Variants in CNTN1 observed in about 807,000 individuals in gnomAD.
CNTN1 encodes the protein contactin 1.
A neutral mutation model predicts 126.4 loss-of-function variants in CNTN1; 38 were observed. The observed-to-expected ratio is 0.30, with a 90% CI of 0.23 to 0.39. CNTN1 has a LOEUF of 0.39. CNTN1 is among the 10% of genes least tolerant of loss of function. CNTN1 has a pLI of 1.00. For synonymous variants in CNTN1, 413 were observed against 422.6 expected, an observed-to-expected ratio of 0.98 and a Z score of 0.28; for missense variants, 1,009 against 1,248.4, an observed-to-expected ratio of 0.81 and a Z score of 2.89.
At chr12:40,840,936 TG>T (rs1388393191) in intron 1 of CNTN1, among the ~76,000 whole-genome samples, 1 of 144,180 alleles carries the variant, frequency 6.9e-6, no homozygotes, top group East Asian at 2.0e-4. Context: ...AATTAGCAGA[TG>T]AAAAAAAATA....
intron 5 of CNTN1, among the ~76,000 whole-genome samples, chr12:40,923,178 TA>T (rs1945514049): frequency 6.6e-6 from 1 of 152,074 alleles, no homozygotes; most frequent in Non-Finnish European, 1.5e-5. Flanking sequence ...GGAATAAATT[TA>T]ATTATATTTT....
intron 1 of CNTN1, among the ~76,000 whole-genome samples, chr12:40,857,851 A>G (rs947572195): frequency 1.4e-4 from 22 of 152,030 alleles, no homozygotes; most frequent in Admixed American, 1.4e-3. Context: ...TGAATCTGCA[A>G]GTTCCTTTGT....
intron 1 of CNTN1, among the ~76,000 whole-genome samples, chr12:40,782,177 G>A (rs1189143837): frequency 6.6e-6 from 1 of 151,848 alleles, no homozygotes; most frequent in Admixed American, 6.6e-5. Context: ...ACATCATAAA[G>A]TGGGACAAAT....
chr12:40,750,449 G>A (rs892943555), intron 1 of CNTN1, among the ~76,000 whole-genome samples: 1 of 152,032 alleles, frequency 6.6e-6, no homozygotes, highest in African/African-American at 2.4e-5. Context: ...GTTGGTGGGT[G>A]TGGTGCTGGT....
chr12:40,731,976 C>G (rs768688014), intron 1 of CNTN1, among the ~76,000 whole-genome samples: 2 of 152,024 alleles, frequency 1.3e-5, no homozygotes, highest in East Asian at 3.9e-4. Context: ...TCTTGGGGAA[C>G]AGGCATTTGG....
intron 14 of CNTN1, among the ~76,000 whole-genome samples, chr12:40,950,097 G>GGTGTGTGTGTGTGT (rs59713493): frequency 8.3e-5 from 12 of 145,336 alleles, no homozygotes; most frequent in African/African-American, 2.8e-4. Flanking sequence ...GTGTTGAGAG[G>GGTGTGTGTGTGTGT]GTGTGTGTGT....
intron 1 of CNTN1, among the ~76,000 whole-genome samples, chr12:40,838,432 C>T (rs1592143170): frequency 1.3e-5 from 2 of 152,322 alleles, no homozygotes; most frequent in East Asian, 3.9e-4. Flanking sequence ...TGGCCTACTG[C>T]TGCCACTACT....
intron 1 of CNTN1, among the ~76,000 whole-genome samples, chr12:40,740,034 A>G (rs1264404440): frequency 6.6e-6 from 1 of 152,040 alleles, no homozygotes; most frequent in Admixed American, 6.6e-5. Context: ...TTCAACATAA[A>G]TTCTTATGAA....
At chr12:40,768,668 T>G (rs1011609253) in intron 1 of CNTN1, among the ~76,000 whole-genome samples, 2 of 152,200 alleles carry the variant, frequency 1.3e-5, no homozygotes, top group Non-Finnish European at 1.5e-5. Flanking sequence ...AGCCAAGAAT[T>G]AGCATTCTTT....
intron 1 of CNTN1, among the ~76,000 whole-genome samples, chr12:40,709,387 A>T (rs1283273727): frequency 1.3e-5 from 2 of 152,236 alleles, no homozygotes; most frequent in Admixed American, 6.5e-5. Flanking sequence ...TACAGAGCAC[A>T]GGCAGAGTAG....
rs548594024 is a variant in CNTN1, at chr12:41,070,927, G to A, written c.*892G>A. 676 of 151,918 alleles carry A rather than the reference G, an allele frequency of 4.4e-3. 2 individuals are homozygous for A. Among genetic ancestry groups the A allele is most frequent in the African/African-American group, 0.016 (652 of 41,438 alleles). 9.4% of individuals were successfully genotyped at this position (151,918 alleles called of 1,614,324 possible). On this transcript the variant is annotated 3_prime_UTR_variant, in exon 24 of 24. Coordinates refer to ENST00000551295, the MANE Select transcript of CNTN1 (RefSeq NM_001843.4). The stretch of plus-strand genomic sequence containing the variant: ...TATTGAGATGTGACAGTCTTTACAT[G>A]GTTAGGAATAAGTGACAGTTAAGTG...
At chr12:40,721,772 A>G (rs1219992504) in intron 1 of CNTN1, among the ~76,000 whole-genome samples, 1 of 143,152 alleles carries the variant, frequency 7.0e-6, no homozygotes, top group African/African-American at 2.6e-5. Context: ...TCATTGTTCA[A>G]TTCCCATCTA....
chr12:41,011,046 G>A (rs1948639640), intron 17 of CNTN1, among the ~76,000 whole-genome samples: 1 of 152,158 alleles, frequency 6.6e-6, no homozygotes, highest in Non-Finnish European at 1.5e-5. Context: ...TTTGGCTTAA[G>A]AGCAGCAAAA....
intron 1 of CNTN1, among the ~76,000 whole-genome samples, chr12:40,784,514 A>G (rs1171760714): frequency 1.3e-5 from 2 of 152,172 alleles, no homozygotes; most frequent in Non-Finnish European, 2.9e-5. Flanking sequence ...ATGTGACTGT[A>G]AGAAACTTGT....
chr12:40,932,133 G>C (rs1036957971), intron 7 of CNTN1, among the ~76,000 whole-genome samples: 3 of 151,794 alleles, frequency 2.0e-5, no homozygotes, highest in Admixed American at 2.0e-4. Flanking sequence ...AAGTCCCAAT[G>C]GTAGTTACCT....
intron 6 of CNTN1, among the ~76,000 whole-genome samples, chr12:40,924,881 C>CATATATATATATATATGTATAT (rs1945586305): frequency 8.9e-6 from 1 of 112,092 alleles, no homozygotes; most frequent in Non-Finnish European, 1.9e-5. Flanking sequence ...AGTTTATAAA[C>CATATATATATATATATGTATAT]ATATATATAT....
chr12:40,711,514 T>C (rs1182906180), intron 1 of CNTN1, among the ~76,000 whole-genome samples: 1 of 152,102 alleles, frequency 6.6e-6, no homozygotes, highest in Non-Finnish European at 1.5e-5. Context: ...GACTTCCTGA[T>C]GTCAGGATTT....
chr12:40,866,362 T>C (rs1258999417), intron 1 of CNTN1, among the ~76,000 whole-genome samples: 5 of 152,150 alleles, frequency 3.3e-5, no homozygotes, highest in Admixed American at 2.0e-4. Flanking sequence ...GTAGAAGTGG[T>C]GAAAGAGACA....
intron 1 of CNTN1, among the ~76,000 whole-genome samples, chr12:40,903,319 C>G (rs1278855041): frequency 6.6e-6 from 1 of 151,464 alleles, no homozygotes; most frequent in Non-Finnish European, 1.5e-5. Flanking sequence ...GCTTCTGGTC[C>G]TTCTGTTATT....
Sources: allele counts gnomAD v4.1 joint callset (sites outside exome capture counted in the v4.1 genomes callset), GRCh38; gene constraint gnomAD v4.1.1; transcripts MANE v1.5; gene names NCBI Gene and HGNC (gene_info 2026-07-23, HGNC 2026-07-21).